Variants in NPTN observed in about 807,000 individuals in gnomAD.
NPTN encodes the protein neuroplastin.
NPTN carries 5 observed loss-of-function variants against 42.7 expected under a neutral mutation model. The ratio of observed to expected loss-of-function variants is 0.12; its 90% CI spans 0.06 to 0.25. The LOEUF is 0.25. Ranked by LOEUF, NPTN falls within the 10% of genes least tolerant of loss-of-function variation. The pLI is 1.00. For synonymous variants in NPTN, 180 were observed against 201.9 expected, an observed-to-expected ratio of 0.89 and a Z score of 0.92; for missense variants, 307 against 525.4, an observed-to-expected ratio of 0.58 and a Z score of 4.06.
rs1595897156 is a variant in NPTN, at chr15:73,569,165, AGTG to A, written c.1114+982_1114+984del. 2 of 985,344 alleles carry A rather than the reference AGTG, an allele frequency of 2.0e-6. No homozygotes were observed. Among genetic ancestry groups the A allele is most frequent in the African/African-American group, 3.5e-5 (2 of 57,222 alleles). 61.0% of individuals were successfully genotyped at this position (985,344 alleles called of 1,614,324 possible). On this transcript the variant is annotated intron_variant, in intron 6 of 8. Transcript: ENST00000345330. The surrounding 1 kb of genome is among the most constrained non-coding windows in gnomAD (Gnocchi z 4.1). ...TGTCTAGTCTAGCCAGGGACAGACT[AGTG>A]GTGGTAACAGTCGGCCAATTAATTT...
At chr15:73,587,037 C>T (rs1896351228) in intron 4 of NPTN, among the ~76,000 whole-genome samples, 1 of 152,168 alleles carries the variant, frequency 6.6e-6, no homozygotes, top group Admixed American at 6.6e-5. Flanking sequence ...AATGAATTAT[C>T]CACAAACAGC....
Position 73,569,757 on chromosome 15 carries a change from G to A in NPTN, c.1114+393C>T. 1.0e-6 allele frequency: 1 copy of A among 985,290 alleles called. No individual in the cohort carries two copies. Among genetic ancestry groups the A allele is most frequent in the Non-Finnish European group, 1.2e-6 (1 of 829,886 alleles). The allele number at this position is 985,290 out of a possible 1,614,324, so 61.0% of individuals were successfully genotyped here. A position where few individuals can be genotyped will look rare whatever the true frequency, so the allele number is the denominator to read the frequency against. On this transcript the variant is annotated intron_variant, in intron 6 of 8. Transcript: ENST00000345330. The surrounding 1 kb of genome is among the most constrained non-coding windows in gnomAD (Gnocchi z 4.1). ...GCCAGGTGGCCTGCCATCTTGGGGT[G>A]GCTTCTAGGCTTGACTTGGATTCTC...
chr15:73,577,678 C>G (rs1767824712), intron 4 of NPTN, among the ~76,000 whole-genome samples: 1 of 152,192 alleles, frequency 6.6e-6, no homozygotes, highest in African/African-American at 2.4e-5. Context: ...CTGACCCTCC[C>G]TAAACTGCTC....
chr15:73,605,123 C>A (rs1037991925), intron 1 of NPTN, among the ~76,000 whole-genome samples: 1 of 146,082 alleles, frequency 6.8e-6, no homozygotes, highest in East Asian at 2.0e-4. Context: ...AAAGAATGAT[C>A]TAAACTAGTC....
chr15:73,633,060 C>A (rs1191868994), intron 1 of NPTN, 65 bp downstream of exon 1: 83 of 1,184,210 alleles, frequency 7.0e-5, no homozygotes, highest in Non-Finnish European at 7.9e-5. Context: ...CAGGCCAGAG[C>A]CGGGCCCCCT....
intron 1 of NPTN, among the ~76,000 whole-genome samples, chr15:73,602,697 T>C (rs567279771): frequency 1.3e-5 from 2 of 152,280 alleles, no homozygotes; most frequent in African/African-American, 4.8e-5. Context: ...TAAGGCAGGC[T>C]TGAAGTCCTG....
intron 6 of NPTN, chr15:73,567,811 G>C (rs1437740376): frequency 4.1e-6 from 4 of 985,290 alleles, no homozygotes; most frequent in Non-Finnish European, 4.8e-6. Flanking sequence ...GGAAGGGAAG[G>C]AGAGAAGGCA....
At chr15:73,561,866 T>A (rs1447212237) in intron 8 of NPTN, 30 bp downstream of exon 8, 2 of 1,496,032 alleles carry the variant, frequency 1.3e-6, no homozygotes, top group East Asian at 2.3e-5. Context: ...GAATATAATT[T>A]TTAAGACTGC....
rs549913971 is a variant in NPTN, at chr15:73,577,881, A to G, written c.707-4086T>C. On this transcript the variant is annotated intron_variant, in intron 4 of 8. Transcript: ENST00000345330. ...ACTCCTGGCTCACTGGCTTCCCCCA[A>G]CCACCAAGTTATCCTTAGAAACTCT... Among the ~76,000 whole-genome samples the G allele has an allele frequency of 5.9e-5, 9 of 152,252 alleles. No individual in the cohort carries two copies. The South Asian group carries it at 1.5e-3, about 25-fold the overall frequency.
chr15:73,576,949 C>T (rs1047962977), intron 4 of NPTN, among the ~76,000 whole-genome samples: 4 of 152,114 alleles, frequency 2.6e-5, no homozygotes, highest in Admixed American at 6.6e-5. Flanking sequence ...AGAAAAATTA[C>T]GCTTCAAAAG....
At chr15:73,616,267 A>G (rs1321635295) in intron 1 of NPTN, among the ~76,000 whole-genome samples, 1 of 152,122 alleles carries the variant, frequency 6.6e-6, no homozygotes, top group Non-Finnish European at 1.5e-5. Context: ...TAGGTCTACA[A>G]AGGGGTCATC....
At chr15:73,611,680 T>C (rs77954930) in intron 1 of NPTN, among the ~76,000 whole-genome samples, 7,733 of 152,214 alleles carry the variant, frequency 0.051, 213 homozygotes, top group South Asian at 0.094. Context: ...GCGTATGTAA[T>C]TATATATTTC....
rs1894588827 is a variant in NPTN at position 73,560,343 on chromosome 15, T to C, written c.*720A>G. 6.4e-6 allele frequency: 1 copy of C among 156,070 alleles called. No individual in the cohort carries two copies. The highest frequency in any genetic ancestry group is 1.4e-5 in the Non-Finnish European group (1 of 70,658). The allele number at this position is 156,070 out of a possible 1,614,324, so 9.7% of individuals were successfully genotyped here. A position where few individuals can be genotyped will look rare whatever the true frequency, so the allele number is the denominator to read the frequency against. On this transcript the variant is annotated 3_prime_UTR_variant, in exon 9 of 9. Transcript: ENST00000345330. ...CAACACATCAGTGCAAAAGGATTTA[T>C]GAATTTACATGACTTAACAGAAGAA...
intron 4 of NPTN, among the ~76,000 whole-genome samples, chr15:73,583,752 C>T (rs147807146): frequency 7.0e-4 from 106 of 152,322 alleles, no homozygotes; most frequent in African/African-American, 2.4e-3. Flanking sequence ...AAGGATGTCA[C>T]AACCTCTACG....
intron 1 of NPTN, among the ~76,000 whole-genome samples, chr15:73,609,640 A>G (rs957647200): frequency 6.6e-5 from 10 of 152,284 alleles, no homozygotes; most frequent in African/African-American, 2.2e-4. Flanking sequence ...CTGAAAACAA[A>G]CAAACAAACA....
At chr15:73,630,499 C>G (rs1271221940) in intron 1 of NPTN, among the ~76,000 whole-genome samples, 3 of 152,146 alleles carry the variant, frequency 2.0e-5, no homozygotes, top group Non-Finnish European at 4.4e-5. Context: ...GGATGAGAAA[C>G]AAAATCCATC....
intron 3 of NPTN, among the ~76,000 whole-genome samples, chr15:73,588,877 G>C (rs1327309885): frequency 6.6e-6 from 1 of 152,204 alleles, no homozygotes; most frequent in Non-Finnish European, 1.5e-5. Flanking sequence ...GATAGGCACT[G>C]TTTATTCAGC....
At chr15:73,633,073 G>A (rs1351814586) in intron 1 of NPTN, 52 bp downstream of exon 1, 5 of 1,260,812 alleles carry the variant, frequency 4.0e-6, no homozygotes, top group Non-Finnish European at 5.2e-6. Context: ...GGCCCCCTCC[G>A]GCCCCGGCGC....
rs1285452763 is a variant in NPTN, at chr15:73,567,482, AT to A, written c.1114+2667del. ...CCAAAAGGAGTGTACGTATATATCT[AT>A]ATGAAAATTTGGGGAGAAGCACATG... On this transcript the variant is annotated intron_variant, in intron 6 of 8. Transcript: ENST00000345330. 3.0e-6 allele frequency: 3 copies of A among 985,292 alleles called. No individual in the cohort carries two copies. In the African/African-American group the frequency reaches 5.2e-5, roughly 17 times the overall value. 61.0% of individuals were successfully genotyped at this position (985,292 alleles called of 1,614,324 possible).
Sources: gnomAD v4.1 joint callset for allele counts (sites outside exome capture counted in the v4.1 genomes callset) on GRCh38, gnomAD v4.1.1 for gene constraint, Gnocchi (gnomAD v3.1) non-coding constraint, MANE v1.5 for transcripts, NCBI Gene and HGNC (gene_info 2026-07-23, HGNC 2026-07-21) for gene names.